The following LRRC7 variants were observed in gnomAD, a reference collection of about 807,000 sequenced individuals.
The protein encoded by LRRC7 is leucine-rich repeat-containing protein 7.
In LRRC7, 23 loss-of-function variants were observed where a neutral mutation model predicts 175.7. The ratio of observed to expected loss-of-function variants is 0.13; its 90% CI spans 0.09 to 0.19. The LOEUF (loss-of-function observed/expected upper bound fraction) is 0.19, where lower values mean the gene tolerates loss of function less well. Ranked by LOEUF, LRRC7 falls within the 10% of genes least tolerant of loss-of-function variation. The pLI is 1.00. For synonymous variants in LRRC7, 685 were observed against 680.9 expected (o/e 1.01, Z -0.09); for missense variants, 1,354 against 1,904.7 (o/e 0.71, Z 5.38).
At chr1:70,057,848 C>T (rs946555138) in intron 23 of LRRC7, among the ~76,000 whole-genome samples, 4 of 152,032 alleles carry the variant, frequency 2.6e-5, no homozygotes, top group Non-Finnish European at 5.9e-5. Flanking sequence ...GTGTTTATTT[C>T]TCAGAATTTT....
intron 8 of LRRC7, among the ~76,000 whole-genome samples, chr1:69,951,045 T>A (rs1649858377): frequency 6.6e-6 from 1 of 151,356 alleles, no homozygotes. Context: ...AAACTATGCA[T>A]CTGACAAAGG....
At chr1:70,036,699 AT>A in intron 20 of LRRC7, 75 bp downstream of exon 20, 1 of 1,464,192 alleles carries the variant, frequency 6.8e-7, no homozygotes, top group Non-Finnish European at 9.2e-7. Context: ...AATCTTCTTA[AT>A]TTTGGAATTG....
At chr1:69,916,205 A>ATATT (rs1358021164) in intron 7 of LRRC7, among the ~76,000 whole-genome samples, 4 of 126,790 alleles carry the variant, frequency 3.2e-5, no homozygotes, top group African/African-American at 6.0e-5. Context: ...TATATATAAA[A>ATATT]ATAAAATTTT....
At chr1:69,942,834 G>A (rs1184330264) in intron 8 of LRRC7, among the ~76,000 whole-genome samples, 15 of 152,128 alleles carry the variant, frequency 9.9e-5, no homozygotes, top group African/African-American at 3.4e-4. Context: ...GAATTAGGAT[G>A]TGAACATCTT....
intron 10 of LRRC7, 32 bp downstream of exon 10, chr1:69,986,418 A>G (rs758300534): frequency 6.3e-7 from 1 of 1,580,316 alleles, no homozygotes; most frequent in Admixed American, 1.8e-5. Context: ...ACAAATATTT[A>G]TGTCAAATAT....
At chr1:69,808,609 C>T (rs189152735) in intron 4 of LRRC7, among the ~76,000 whole-genome samples, 1 of 152,250 alleles carries the variant, frequency 6.6e-6, no homozygotes, top group Admixed American at 6.5e-5. Flanking sequence ...TTAAGAAACT[C>T]ACTCAAAACT....
intron 2 of LRRC7, among the ~76,000 whole-genome samples, chr1:69,703,465 T>C (rs1297811183): frequency 6.6e-6 from 1 of 152,036 alleles, no homozygotes; most frequent in African/African-American, 2.4e-5. Flanking sequence ...TCATTTCATA[T>C]TTGTATTCAG....
intron 21 of LRRC7, 115 bp downstream of exon 21, chr1:70,039,908 A>G (rs542902615): frequency 1.6e-4 from 203 of 1,298,314 alleles, no homozygotes; most frequent in Admixed American, 1.3e-3. Context: ...GATGATCAGT[A>G]TTTTATTTAT....
intron 22 of LRRC7, among the ~76,000 whole-genome samples, chr1:70,048,548 T>A (rs1660509064): frequency 6.6e-6 from 1 of 152,118 alleles, no homozygotes; most frequent in Non-Finnish European, 1.5e-5. Context: ...TCATAGAACA[T>A]GACTCATAGG....
chr1:69,763,980 T>C (rs1368554770), intron 3 of LRRC7, among the ~76,000 whole-genome samples: 1 of 151,986 alleles, frequency 6.6e-6, no homozygotes, highest in Non-Finnish European at 1.5e-5. Flanking sequence ...TATAAGATGT[T>C]ATGTAATACA....
At chr1:69,686,868 G>A (rs1203130348) in intron 2 of LRRC7, among the ~76,000 whole-genome samples, 1 of 151,712 alleles carries the variant, frequency 6.6e-6, no homozygotes. Flanking sequence ...ATGTCCTTTA[G>A]ATGCAAAAAT....
chr1:69,836,129 C>T (rs763978727), intron 6 of LRRC7, among the ~76,000 whole-genome samples: 3 of 151,982 alleles, frequency 2.0e-5, no homozygotes. Flanking sequence ...GACTGAAGCT[C>T]GCACAGGACA....
chr1:69,826,709 G>A (rs550196538), intron 5 of LRRC7, among the ~76,000 whole-genome samples: 1 of 152,202 alleles, frequency 6.6e-6, no homozygotes, highest in Admixed American at 6.5e-5. Context: ...AAAATTCCTC[G>A]ATCTTTTGTC....
At chr1:69,613,129 G>A (rs567241699) in intron 1 of LRRC7, among the ~76,000 whole-genome samples, 7 of 152,056 alleles carry the variant, frequency 4.6e-5, no homozygotes, top group East Asian at 1.9e-4. Flanking sequence ...ACTATATGGC[G>A]TAGACAGCAA....
chr1:69,631,017 T>C (rs981671168), intron 1 of LRRC7, among the ~76,000 whole-genome samples: 6 of 151,704 alleles, frequency 4.0e-5, no homozygotes, highest in African/African-American at 1.2e-4. Flanking sequence ...CCTGCACTTC[T>C]TTTTTTCATT....
At chr1:69,715,110 A>G (rs934315385) in intron 2 of LRRC7, among the ~76,000 whole-genome samples, 4 of 152,198 alleles carry the variant, frequency 2.6e-5, no homozygotes, top group African/African-American at 9.6e-5. Flanking sequence ...TTGTTTAAGT[A>G]GATCTTGAAG....
chr1:69,608,846 C>G (rs868296374), intron 1 of LRRC7, among the ~76,000 whole-genome samples: 1 of 53,534 alleles, frequency 1.9e-5, no homozygotes, highest in Non-Finnish European at 3.5e-5. Flanking sequence ...CTCTCTCTCT[C>G]TCTCTCTCTC....
At chr1:69,642,380 TA>T (rs1654340138) in intron 1 of LRRC7, among the ~76,000 whole-genome samples, 1 of 151,882 alleles carries the variant, frequency 6.6e-6, no homozygotes, top group South Asian at 2.1e-4. Flanking sequence ...TAATGTGTAA[TA>T]TTTCCCAAGA....
chr1:70,006,107 G>A (rs1393570252), intron 11 of LRRC7, among the ~76,000 whole-genome samples: 1 of 151,758 alleles, frequency 6.6e-6, no homozygotes, highest in Non-Finnish European at 1.5e-5. Flanking sequence ...CCACCAACAA[G>A]GTCAGCTGGA....
Sources: allele counts gnomAD v4.1 joint callset (sites outside exome capture counted in the v4.1 genomes callset), GRCh38; gene constraint gnomAD v4.1.1; transcripts MANE v1.5; gene names NCBI Gene and HGNC (gene_info 2026-07-23, HGNC 2026-07-21).